Variants in ULK4 observed in about 807,000 individuals in gnomAD.
ULK4 encodes unc-51 like kinase 4.
In ULK4, 133 loss-of-function variants were observed where a neutral mutation model predicts 160.6. The ratio of observed to expected loss-of-function variants is 0.83; its 90% confidence interval spans 0.72 to 0.96. The LOEUF (loss-of-function observed/expected upper bound fraction) is 0.96, where lower values mean the gene tolerates loss of function less well. ULK4 is among the 40% of genes least tolerant of loss of function. The probability of loss-of-function intolerance (pLI) is 0.00; values close to 1 mark genes in which losing one functional copy is unlikely to be tolerated. For synonymous variants in ULK4, 534 were observed against 539.8 expected, an observed-to-expected ratio of 0.99 and a Z score of 0.15; for missense variants, 1,580 against 1,499.5, an observed-to-expected ratio of 1.05 and a Z score of -0.89.
At chr3:41,484,527 A>G (rs533447997) in intron 32 of ULK4, among the ~76,000 whole-genome samples, 86 of 146,996 alleles carry the variant, frequency 5.9e-4, no homozygotes, top group Non-Finnish European at 8.9e-4. Flanking sequence ...ATCTCGGCTC[A>G]CTGCAAGCTC....
At chr3:41,801,036 C>T (rs1477659211) in intron 19 of ULK4, among the ~76,000 whole-genome samples, 2 of 152,086 alleles carry the variant, frequency 1.3e-5, no homozygotes, top group Non-Finnish European at 2.9e-5. Context: ...AATTCAATCG[C>T]TAGAAATGAC....
chr3:41,514,185 T>C (rs1299996555), intron 32 of ULK4, among the ~76,000 whole-genome samples: 5 of 152,112 alleles, frequency 3.3e-5, no homozygotes, highest in African/African-American at 4.8e-5. Context: ...ACAGGCAACC[T>C]ACCAATTTTA....
intron 35 of ULK4, among the ~76,000 whole-genome samples, chr3:41,371,638 G>A (rs999581687): frequency 5.9e-5 from 9 of 152,192 alleles, no homozygotes; most frequent in Middle Eastern, 6.8e-3. Flanking sequence ...CACTCCATCC[G>A]AAGGTCACCA....
intron 35 of ULK4, among the ~76,000 whole-genome samples, chr3:41,254,468 T>C (rs2125670821): frequency 6.6e-6 from 1 of 152,304 alleles, no homozygotes; most frequent in Non-Finnish European, 1.5e-5. Context: ...ATACAACATG[T>C]CAGCATCTGG....
chr3:41,528,749 A>G (rs2086201280), intron 32 of ULK4, among the ~76,000 whole-genome samples: 1 of 152,208 alleles, frequency 6.6e-6, no homozygotes, highest in Non-Finnish European at 1.5e-5. Flanking sequence ...TGTCATGTAT[A>G]TATCGAGTTC....
chr3:41,788,608 T>C (rs896931789), intron 21 of ULK4, among the ~76,000 whole-genome samples: 2 of 151,756 alleles, frequency 1.3e-5, no homozygotes, highest in African/African-American at 4.8e-5. Flanking sequence ...GAGAACAGCG[T>C]GAACCCAGGA....
intron 34 of ULK4, among the ~76,000 whole-genome samples, chr3:41,426,976 G>C (rs2082791106): frequency 6.6e-6 from 1 of 152,096 alleles, no homozygotes; most frequent in Admixed American, 6.6e-5. Flanking sequence ...AATGAATCCA[G>C]GAGCTGGTTT....
intron 29 of ULK4, 74 bp downstream of exon 29, chr3:41,681,434 A>G: frequency 1.9e-6 from 3 of 1,587,386 alleles, no homozygotes; most frequent in Non-Finnish European, 2.6e-6. Context: ...CAACCCCATC[A>G]CTGAACCTAG....
Position 41,431,547 on chromosome 3 carries a change from C to CCTTTTTTTTTTTTTTTTTTT in ULK4, c.3492+23949_3492+23950insAAAAAAAAAAAAAAAAAAAG, listed in dbSNP as rs563543377. ...CCTGTGAGGTGTTGTAATTCCCTCC[C>CCTTTTTTTTTTTTTTTTTTT]TTTTTTTTTTTTTTTGATGTGGAAA... On this transcript the variant is annotated intron_variant, in intron 34 of 36. Coordinates refer to ENST00000301831, the MANE Select transcript of ULK4 (RefSeq NM_017886.4). Among the ~76,000 whole-genome samples, 343 of 95,756 alleles carry CCTTTTTTTTTTTTTTTTTTT rather than the reference C, an allele frequency of 3.6e-3. 31 individuals carry two copies. The highest frequency in any genetic ancestry group is 4.9e-3 in the African/African-American group (115 of 23,654). 62.8% of individuals were successfully genotyped at this position (95,756 alleles called of 152,430 possible).
intron 31 of ULK4, among the ~76,000 whole-genome samples, chr3:41,572,961 CATT>C (rs1457251321): frequency 5.3e-5 from 8 of 152,050 alleles, no homozygotes; most frequent in African/African-American, 1.2e-4. Flanking sequence ...AAGATGGCAT[CATT>C]GAGAGCCCAC....
At chr3:41,525,233 C>CTCAT (rs559252261) in intron 32 of ULK4, among the ~76,000 whole-genome samples, 86 of 152,286 alleles carry the variant, frequency 5.6e-4, no homozygotes, top group African/African-American at 2.0e-3. Context: ...GGCTAAAATC[C>CTCAT]TCATGCATGG....
chr3:41,635,753 A>T (rs1487285472), intron 30 of ULK4, among the ~76,000 whole-genome samples: 1 of 152,216 alleles, frequency 6.6e-6, no homozygotes, highest in Non-Finnish European at 1.5e-5. Context: ...ATTTGCTCAC[A>T]GTCACTCAAA....
chr3:41,332,015 T>A (rs930283735), intron 35 of ULK4, among the ~76,000 whole-genome samples: 1 of 152,198 alleles, frequency 6.6e-6, no homozygotes, highest in Non-Finnish European at 1.5e-5. Context: ...AATAAATAGT[T>A]GTTAAAATAA....
At chr3:41,578,505 A>C (rs2029895331) in intron 31 of ULK4, among the ~76,000 whole-genome samples, 1 of 152,242 alleles carries the variant, frequency 6.6e-6, no homozygotes, top group African/African-American at 2.4e-5. Flanking sequence ...TGGTTGCGAC[A>C]GTATAAAATG....
At chr3:41,577,779 T>G (rs1455818152) in intron 31 of ULK4, among the ~76,000 whole-genome samples, 1 of 152,188 alleles carries the variant, frequency 6.6e-6, no homozygotes, top group Non-Finnish European at 1.5e-5. Flanking sequence ...TCCTTTCCCA[T>G]TATCTCATAA....
At chr3:41,433,705 C>T (rs970471604) in intron 34 of ULK4, among the ~76,000 whole-genome samples, 1 of 150,092 alleles carries the variant, frequency 6.7e-6, no homozygotes, top group South Asian at 2.1e-4. Flanking sequence ...AATCCAAAAC[C>T]TAAAATGCTC....
Position 41,815,976 on chromosome 3 carries a change from T to C in ULK4, c.1848+3447A>G, listed in dbSNP as rs750433001. Among the ~76,000 whole-genome samples the C allele has an allele frequency of 3.9e-5, 6 of 152,206 alleles. 1 individual carries two copies. In the Middle Eastern group the frequency reaches 0.01, roughly 259 times the overall value. On this transcript the variant is annotated intron_variant, in intron 19 of 36. Transcript: ENST00000301831. ...TAGATAAACTGAGCTACACAGAGCA[T>C]GGTGGCATGCATAACTACAATCCCA...
intron 31 of ULK4, among the ~76,000 whole-genome samples, chr3:41,582,623 T>C (rs2033704): frequency 0.7 from 106,779 of 152,040 alleles, 40,262 homozygotes; most frequent in Middle Eastern, 0.87. Flanking sequence ...ACGGCCCTGT[T>C]GGCTTCTGGG....
At chr3:41,653,528 C>T (rs1040085749) in intron 30 of ULK4, among the ~76,000 whole-genome samples, 6 of 152,154 alleles carry the variant, frequency 3.9e-5, no homozygotes, top group African/African-American at 9.7e-5. Context: ...ACATTTTAAA[C>T]GACCCAGATG....
Sources: allele counts gnomAD v4.1 joint callset (sites outside exome capture counted in the v4.1 genomes callset), GRCh38; gene constraint gnomAD v4.1.1; transcripts MANE v1.5; gene names NCBI Gene and HGNC (gene_info 2026-07-23, HGNC 2026-07-21).